GALNTL6: variants seen among roughly 807,000 people sequenced by gnomAD.
GALNTL6 encodes the protein polypeptide N-acetylgalactosaminyltransferase like 6.
GALNTL6 carries 46 observed loss-of-function variants against 73.7 expected under a neutral mutation model. The observed-to-expected ratio is 0.62, with a 90% CI of 0.49 to 0.80. GALNTL6 has a LOEUF of 0.80. Ranked by LOEUF, GALNTL6 falls within the 30% of genes least tolerant of loss-of-function variation. The pLI is 0.00. For synonymous variants in GALNTL6, 259 were observed against 263.7 expected (o/e 0.98, Z 0.17); for missense variants, 604 against 755.0 (o/e 0.80, Z 2.34).
intron 2 of GALNTL6, among the ~76,000 whole-genome samples, chr4:172,160,319 C>T (rs763612284): frequency 2.0e-5 from 3 of 151,262 alleles, no homozygotes; most frequent in Non-Finnish European, 4.4e-5. Flanking sequence ...AAGAAAATTG[C>T]TGAAAAGTCA....
intron 5 of GALNTL6, among the ~76,000 whole-genome samples, chr4:172,439,457 G>C (rs1731751357): frequency 7.5e-6 from 1 of 133,480 alleles, no homozygotes; most frequent in Admixed American, 8.2e-5. Flanking sequence ...ATGACTCGCT[G>C]GTTGTTATGT....
intron 2 of GALNTL6, among the ~76,000 whole-genome samples, chr4:171,917,188 T>C (rs1737656090): frequency 1.3e-5 from 2 of 152,016 alleles, no homozygotes; most frequent in South Asian, 4.1e-4. Flanking sequence ...TCGTCAGATA[T>C]TAAAAGAGTG....
intron 5 of GALNTL6, among the ~76,000 whole-genome samples, chr4:172,539,271 C>T (rs1046193161): frequency 6.6e-6 from 1 of 152,138 alleles, no homozygotes. Flanking sequence ...GTTGTGATCA[C>T]TTAGAAGACA....
intron 5 of GALNTL6, among the ~76,000 whole-genome samples, chr4:172,568,438 G>T (rs562628832): frequency 6.6e-6 from 1 of 152,198 alleles, no homozygotes; most frequent in Admixed American, 6.5e-5. Context: ...TCACTCTAAG[G>T]TCTCTTTTAA....
intron 5 of GALNTL6, among the ~76,000 whole-genome samples, chr4:172,647,217 C>T (rs978627874): frequency 3.9e-5 from 6 of 152,004 alleles, no homozygotes; most frequent in East Asian, 1.9e-4. Flanking sequence ...GCCAGGTAGA[C>T]TTTAGGAGAA....
chr4:172,893,633 A>AC (rs1280908555), intron 8 of GALNTL6, among the ~76,000 whole-genome samples: 1 of 151,970 alleles, frequency 6.6e-6, no homozygotes, highest in African/African-American at 2.4e-5. Context: ...GATCAGATGC[A>AC]CCCCCGTCCC....
chr4:172,774,522 C>A (rs1261865816), intron 5 of GALNTL6, among the ~76,000 whole-genome samples: 3 of 152,308 alleles, frequency 2.0e-5, no homozygotes, highest in Non-Finnish European at 4.4e-5. Flanking sequence ...GAAGGGAGCA[C>A]ACAGCTGTTT....
chr4:172,084,827 T>C (rs189412980), intron 2 of GALNTL6, among the ~76,000 whole-genome samples: 7 of 152,298 alleles, frequency 4.6e-5, no homozygotes, highest in Admixed American at 4.6e-4. Flanking sequence ...TACTAAAATA[T>C]GAGCATAAGA....
At chr4:172,017,435 C>T (rs1741236522) in intron 2 of GALNTL6, among the ~76,000 whole-genome samples, 1 of 152,036 alleles carries the variant, frequency 6.6e-6, no homozygotes, top group Non-Finnish European at 1.5e-5. Flanking sequence ...TGGATTTTTC[C>T]AGAAAGGCTG....
intron 5 of GALNTL6, among the ~76,000 whole-genome samples, chr4:172,475,030 G>A (rs1006545454): frequency 6.6e-6 from 1 of 152,136 alleles, no homozygotes; most frequent in Non-Finnish European, 1.5e-5. Flanking sequence ...ATTGTATGAG[G>A]TGCTGAGTGT....
rs187238012 is a variant in GALNTL6, at chr4:172,926,121, G to A, written c.1042-5040G>A. On this transcript the variant is annotated intron_variant, in intron 8 of 12. Coordinates refer to ENST00000506823, the MANE Select transcript of GALNTL6 (RefSeq NM_001034845.3). ...GATATCAGAGTGCCAGCATTGTTGGGTTCTGGAGAGGGCCCTCTACCAGGT... is the reference window on the plus strand; with the variant it reads ...GATATCAGAGTGCCAGCATTGTTGGATTCTGGAGAGGGCCCTCTACCAGGT... Among the ~76,000 whole-genome samples, 643 of 152,214 alleles carry A rather than the reference G, an allele frequency of 4.2e-3. 11 individuals are homozygous for A. The highest frequency in any genetic ancestry group is 0.024 in the South Asian group (116 of 4,812).
chr4:172,069,508 CAT>C lies in GALNTL6; in HGVS notation c.139-160143_139-160142del, dbSNP rs1288349167. On this transcript the variant is annotated intron_variant, in intron 2 of 12. Coordinates refer to ENST00000506823, the MANE Select transcript of GALNTL6 (RefSeq NM_001034845.3). ...TAACACATATGTTATATGTATAACACATATATGTTATATGTATAACACATATA... is the reference window on the plus strand; with the variant it reads ...TAACACATATGTTATATGTATAACACATATGTTATATGTATAACACATATA... Among the ~76,000 whole-genome samples, 8 of 52,790 alleles carry C rather than the reference CAT, an allele frequency of 1.5e-4. 2 individuals are homozygous for C. Among genetic ancestry groups the C allele is most frequent in the African/African-American group, 2.6e-4 (4 of 15,304 alleles). 34.6% of individuals were successfully genotyped at this position (52,790 alleles called of 152,430 possible).
chr4:172,374,851 G>T (rs373849019), intron 5 of GALNTL6, among the ~76,000 whole-genome samples: 3 of 152,276 alleles, frequency 2.0e-5, no homozygotes, highest in East Asian at 3.9e-4. Context: ...TCCAAGCGAG[G>T]TTGAAGGTTT....
At chr4:172,835,519 A>G (rs1466809905) in intron 7 of GALNTL6, among the ~76,000 whole-genome samples, 2 of 152,234 alleles carry the variant, frequency 1.3e-5, no homozygotes, top group Admixed American at 6.5e-5. Flanking sequence ...CACACACGGT[A>G]TGCTTAAATC....
chr4:172,272,643 A>G (rs1180584993), intron 3 of GALNTL6, among the ~76,000 whole-genome samples: 2 of 152,192 alleles, frequency 1.3e-5, no homozygotes, highest in Non-Finnish European at 2.9e-5. Flanking sequence ...TTCTTTCAGT[A>G]TGCTTCCTTT....
chr4:172,583,126 C>T (rs994037977), intron 5 of GALNTL6, among the ~76,000 whole-genome samples: 5 of 150,726 alleles, frequency 3.3e-5, no homozygotes, highest in African/African-American at 1.2e-4. Flanking sequence ...CCTCCCTGCC[C>T]CCAATTCACA....
chr4:172,122,589 G>C (rs1316916979), intron 2 of GALNTL6, among the ~76,000 whole-genome samples: 1 of 152,124 alleles, frequency 6.6e-6, no homozygotes, highest in African/African-American at 2.4e-5. Flanking sequence ...AGTTTATAAC[G>C]AGCAAAAGAC....
At chr4:171,985,162 C>G (rs1005203296) in intron 2 of GALNTL6, among the ~76,000 whole-genome samples, 3 of 152,030 alleles carry the variant, frequency 2.0e-5, no homozygotes, top group Non-Finnish European at 4.4e-5. Flanking sequence ...TCTGTTTTCA[C>G]ACCACTGATA....
chr4:172,419,524 G>C (rs888068395), intron 5 of GALNTL6, among the ~76,000 whole-genome samples: 4 of 152,086 alleles, frequency 2.6e-5, no homozygotes, highest in Non-Finnish European at 5.9e-5. Context: ...AGGCACTTTG[G>C]ATGCTCATTT....
Sources: allele counts gnomAD v4.1 joint callset (sites outside exome capture counted in the v4.1 genomes callset), GRCh38; gene constraint gnomAD v4.1.1; transcripts MANE v1.5; gene names NCBI Gene and HGNC (gene_info 2026-07-23, HGNC 2026-07-21).